Variants in TMEM120A observed in about 807,000 individuals in gnomAD.
The protein encoded by TMEM120A is transmembrane protein 120A.
TMEM120A carries 45 observed loss-of-function variants against 54.3 expected under a neutral mutation model. That is an observed-to-expected ratio of 0.83 (90% CI 0.65 to 1.06). The LOEUF (loss-of-function observed/expected upper bound fraction) is 1.06, where lower values mean the gene tolerates loss of function less well. TMEM120A is among the 50% of genes least tolerant of loss of function. TMEM120A has a pLI of 0.00. For missense variants in TMEM120A, 424 were observed against 441.7 expected (o/e 0.96, Z 0.36); for synonymous variants, 204 against 178.5 (o/e 1.14, Z -1.14).
chr7:75,988,228 T>TC, intron 6 of TMEM120A, 24 bp downstream of exon 6: 1 of 1,611,722 alleles, frequency 6.2e-7, no homozygotes, highest in Admixed American at 1.7e-5. Context: ...CATGCTCCCC[T>TC]CCCTCAGGGC....
intron 4 of TMEM120A, 56 bp downstream of exon 4, chr7:75,989,106 GGGT>G: frequency 2.3e-6 from 1 of 438,306 alleles, no homozygotes; most frequent in Non-Finnish European, 4.1e-6. Context: ...GGGGGGAGGG[GGGT>G]AGGGGGCTAG....
At chr7:75,990,650 C>T (rs113790977) in intron 3 of TMEM120A, among the ~76,000 whole-genome samples, 1,654 of 152,126 alleles carry the variant, frequency 0.011, 25 homozygotes, top group African/African-American at 0.036. Flanking sequence ...CTTTGGGAGG[C>T]CGAGGCGGGT....
In TMEM120A at chr7:75,989,046, G is replaced by C; in HGVS notation, c.377+119C>G. 8.7e-6 allele frequency: 3 copies of C among 346,348 alleles called. 1 individual carries two copies. Among genetic ancestry groups the C allele is most frequent in the South Asian group, 7.7e-5 (3 of 38,958 alleles). The allele number at this position is 346,348 out of a possible 1,614,324, so 21.5% of individuals were successfully genotyped here. A position where few individuals can be genotyped will look rare whatever the true frequency, so the allele number is the denominator to read the frequency against. Reference sequence around the variant, plus strand: ...GGGGAAGGCCGGGTTGGGGGGTGGAGGGGAAGGCCGGGTTCCGGGGGAAGG... The same window carrying C: ...GGGGAAGGCCGGGTTGGGGGGTGGACGGGAAGGCCGGGTTCCGGGGGAAGG... On this transcript the variant is annotated intron_variant, in intron 4 of 11. Transcript: ENST00000493111.
At position 75,987,354 on chromosome 7, in the gene TMEM120A, G is replaced by A. The variant is rs1554560038; in HGVS notation, c.918+6C>T. The A allele has an allele frequency of 6.4e-7, 1 of 1,560,194 alleles. No homozygotes were observed. The highest frequency in any genetic ancestry group is 8.7e-7 in the Non-Finnish European group (1 of 1,153,300). ...CCATCCATCCTGTCCAGGGACCCCGGCTCACCTGCCACTCCTTGCACTGAG... is the reference window on the plus strand; with the variant it reads ...CCATCCATCCTGTCCAGGGACCCCGACTCACCTGCCACTCCTTGCACTGAG... On this transcript the variant is annotated splice_donor_region_variant and intron_variant, in intron 11 of 11. Coordinates refer to ENST00000493111, the MANE Select transcript of TMEM120A (RefSeq NM_031925.3).
In TMEM120A at chr7:75,987,355, C is replaced by G; in HGVS notation, c.918+5G>C. 1.3e-6 allele frequency: 2 copies of G among 1,560,516 alleles called. No homozygotes were observed. Among genetic ancestry groups the G allele is most frequent in the Non-Finnish European group, 1.7e-6 (2 of 1,153,430 alleles). On this transcript the variant is annotated splice_donor_5th_base_variant and intron_variant, in intron 11 of 11. Transcript: ENST00000493111. Reference sequence around the variant, plus strand: ...CATCCATCCTGTCCAGGGACCCCGGCTCACCTGCCACTCCTTGCACTGAGG... The same window carrying G: ...CATCCATCCTGTCCAGGGACCCCGGGTCACCTGCCACTCCTTGCACTGAGG...
chr7:75,994,098 C>A (rs1486536169), intron 1 of TMEM120A, among the ~76,000 whole-genome samples: 1 of 152,160 alleles, frequency 6.6e-6, no homozygotes, highest in Non-Finnish European at 1.5e-5. Context: ...AGGACACCCC[C>A]CTAAACGCTG....
At chr7:75,988,367 G>C in intron 5 of TMEM120A, 26 bp from the exon 6 acceptor site, 1 of 1,611,356 alleles carries the variant, frequency 6.2e-7, no homozygotes, top group African/African-American at 1.3e-5. Context: ...ACCGAGGGTT[G>C]GTACTGCAGC....
At chr7:75,988,563 A>T in intron 4 of TMEM120A, 47 bp from the exon 5 acceptor site, 1 of 1,315,074 alleles carries the variant, frequency 7.6e-7, no homozygotes. Context: ...GGTGGGGCCC[A>T]TGTGTGCCCC....
At chr7:75,990,593 G>A (rs1271202274) in intron 3 of TMEM120A, among the ~76,000 whole-genome samples, 5 of 151,986 alleles carry the variant, frequency 3.3e-5, no homozygotes, top group South Asian at 2.1e-4. Flanking sequence ...GCTCTAAAAA[G>A]TCTCCCAGAG....
chr7:75,988,389 G>C, intron 5 of TMEM120A, 32 bp downstream of exon 5: 1 of 1,610,290 alleles, frequency 6.2e-7, no homozygotes, highest in Non-Finnish European at 8.5e-7. Context: ...ACTGGGGATG[G>C]GGTGGGTCCT....
chr7:75,989,893 CAACT>C (rs1554561499), intron 3 of TMEM120A, among the ~76,000 whole-genome samples: 2 of 152,076 alleles, frequency 1.3e-5, no homozygotes, highest in Non-Finnish European at 2.9e-5. Flanking sequence ...CCACACCCAC[CAACT>C]GAGATCATCT....
chr7:75,987,140 G>T lies in TMEM120A; in HGVS notation c.*32C>A. 1 of 1,539,508 alleles carries T rather than the reference G, an allele frequency of 6.5e-7. No homozygotes were observed. ...CCCTCCCACAACACACAGGACAGAAGCCCCTCTGGGCCGGCAGGGGAAGGC... is the reference window on the plus strand; with the variant it reads ...CCCTCCCACAACACACAGGACAGAATCCCCTCTGGGCCGGCAGGGGAAGGC... On this transcript the variant is annotated 3_prime_UTR_variant, in exon 12 of 12. Coordinates refer to ENST00000493111, the MANE Select transcript of TMEM120A (RefSeq NM_031925.3).
At position 75,987,436 on chromosome 7, in the gene TMEM120A, G is replaced by A; in HGVS notation, c.850-8C>T. 1 of 1,560,522 alleles carries A rather than the reference G, an allele frequency of 6.4e-7. No individual in the cohort carries two copies. The highest frequency in any genetic ancestry group is 8.7e-7 in the Non-Finnish European group (1 of 1,152,244). On this transcript the variant is annotated splice_polypyrimidine_tract_variant and splice_region_variant and intron_variant, in intron 10 of 11. Transcript: ENST00000493111. ...GTTAAAAAGCTGCCAGAACTAAGCA[G>A]GGAGGAGGCATTTTACTCAGAAGAC...
At chr7:75,989,724 G>C (rs1455330112) in intron 3 of TMEM120A, among the ~76,000 whole-genome samples, 1 of 151,958 alleles carries the variant, frequency 6.6e-6, no homozygotes. Flanking sequence ...CTGACCCCAA[G>C]TACTCAGCCT....
intron 3 of TMEM120A, 141 bp from the exon 4 acceptor site, chr7:75,989,365 T>C (rs935582849): frequency 6.9e-5 from 46 of 669,634 alleles, no homozygotes; most frequent in Non-Finnish European, 1.2e-4. Flanking sequence ...GGCATCGGGT[T>C]CTGACCTTGG....
chr7:75,992,482 G>A lies in TMEM120A; in HGVS notation c.157C>T (p.Arg53Trp), dbSNP rs782405727. The A allele has an allele frequency of 7.5e-6, 12 of 1,597,638 alleles. No homozygotes were observed. Among genetic ancestry groups the A allele is most frequent in the African/African-American group, 6.7e-5 (5 of 74,612 alleles). Reference protein sequence around the residue: ...LQNNCTSSITRQKKRLQELAL... With the variant: ...LQNNCTSSITWQKKRLQELAL... ...AGCTCCTGGAGCCGCTTCTTCTGCCGCGTGATGGAGCTGGTGCAATTGTTC... is the reference window on the plus strand; with the variant it reads ...AGCTCCTGGAGCCGCTTCTTCTGCCACGTGATGGAGCTGGTGCAATTGTTC... The change falls in exon 2 of 12, where the codon CGG (arginine) becomes TGG (tryptophan). Residue 53 changes from arginine to tryptophan, a missense_variant. Arg to Trp is a moderately radical substitution (Grantham distance 101). Transcript: ENST00000493111.
In TMEM120A at chr7:75,994,554, G is replaced by A. The variant is rs782030674; in HGVS notation, c.17C>T (p.Pro6Leu). 7.1e-6 allele frequency: 11 copies of A among 1,549,486 alleles called. No individual in the cohort carries two copies. The East Asian group carries it at 1.7e-4, about 25-fold the overall frequency. The part of the protein sequence containing the change: MQPPP[P>L]GPLGDCLRDW... Reference sequence around the variant, plus strand: ...CCGCAGGCAGTCGCCCAGCGGGCCCGGGGGCGGGGGCTGCATGGCTGCAGC... The same window carrying A: ...CCGCAGGCAGTCGCCCAGCGGGCCCAGGGGCGGGGGCTGCATGGCTGCAGC... The change falls in exon 1 of 12, where the codon CCG (proline) becomes CTG (leucine). Residue 6 changes from proline (P) to leucine (L), a missense_variant. Physicochemically the swap from Pro to Leu is moderately conservative, Grantham distance 98. Coordinates refer to ENST00000493111, the MANE Select transcript of TMEM120A (RefSeq NM_031925.3).
At position 75,987,595 on chromosome 7, in the gene TMEM120A, G is replaced by T; in HGVS notation, c.792C>A (p.Phe264Leu). ...TGAGGCCCCGCCACATCCAGGACTG[G>T]AAGCCCTCTGCGGGGAGGAAGGTCA... ...RHTMDLTVEG[F>L]QSWMWRGLTF... Residue 264 changes from phenylalanine (F) to leucine (L), a missense_variant, in exon 10 of 12, where the codon TTC becomes TTA. By Grantham distance (22) the Phe-to-Leu change is conservative. Transcript: ENST00000493111. 1 of 1,608,952 alleles carries T rather than the reference G, an allele frequency of 6.2e-7. No homozygotes were observed. Among genetic ancestry groups the T allele is most frequent in the Non-Finnish European group, 8.5e-7 (1 of 1,178,208 alleles).
At chr7:75,988,025 A>T in intron 7 of TMEM120A, 41 bp from the exon 8 acceptor site, 1 of 1,594,450 alleles carries the variant, frequency 6.3e-7, no homozygotes, top group Non-Finnish European at 8.5e-7. Context: ...ACCCTTGGGG[A>T]TGCCGTGTAT....
Sources: gnomAD v4.1 joint callset for allele counts (sites outside exome capture counted in the v4.1 genomes callset) on GRCh38, gnomAD v4.1.1 for gene constraint, MANE v1.5 for transcripts, NCBI Gene and HGNC (gene_info 2026-07-23, HGNC 2026-07-21) for gene names.